RRM2: variants seen among roughly 807,000 people sequenced by gnomAD.
RRM2 encodes ribonucleoside-diphosphate reductase subunit M2.
RRM2 carries 6 observed loss-of-function variants against 45.9 expected under a neutral mutation model. The observed-to-expected ratio is 0.13, with a 90% CI of 0.07 to 0.26. The LOEUF is 0.26. RRM2 is among the 10% of genes least tolerant of loss of function. RRM2 has a pLI of 1.00. For missense variants in RRM2, 343 were observed against 489.5 expected (o/e 0.70, Z 2.82); for synonymous variants, 177 against 173.0 (o/e 1.02, Z -0.18).
chr2:10,177,496 A>G (rs1302668388), intron 3 of RRM2, among the ~76,000 whole-genome samples: 1 of 152,170 alleles, frequency 6.6e-6, no homozygotes, highest in Non-Finnish European at 1.5e-5. Flanking sequence ...TATCATAATA[A>G]CTATATTGAT....
intron 3 of RRM2, among the ~76,000 whole-genome samples, chr2:10,146,729 G>A (rs1048319359): frequency 6.6e-6 from 1 of 152,200 alleles, no homozygotes; most frequent in African/African-American, 2.4e-5. Flanking sequence ...GGAAGGGTAG[G>A]GAGGAGGAGG....
intron 3 of RRM2, among the ~76,000 whole-genome samples, chr2:10,199,711 T>C (rs1427690419): frequency 7.5e-6 from 1 of 132,910 alleles, no homozygotes; most frequent in East Asian, 2.3e-4. Flanking sequence ...ACCCAGAAGG[T>C]GGAGCTTGCA....
chr2:10,202,398 G>A (rs1664583274), intron 3 of RRM2, among the ~76,000 whole-genome samples: 1 of 152,190 alleles, frequency 6.6e-6, no homozygotes, highest in Non-Finnish European at 1.5e-5. Flanking sequence ...CTTGAAGAAG[G>A]AAGAAAGAAA....
rs143923446 is a variant in RRM2, at chr2:10,177,217, G to A, written n.483-33094G>A. ...ACCAAGATCGCACCATTGCACTCCA[G>A]CCTGGGCGACAGAGCGAGATTTCGC... On this transcript the variant is annotated intron_variant and non_coding_transcript_variant, in intron 3 of 3. Coordinates refer to the RRM2 transcript ENST00000381786. Among the ~76,000 whole-genome samples the A allele has an allele frequency of 1.6e-3, 251 of 152,170 alleles. 3 individuals carry two copies. The highest frequency in any genetic ancestry group is 5.4e-3 in the African/African-American group (226 of 41,506).
intron 3 of RRM2, among the ~76,000 whole-genome samples, chr2:10,152,372 T>G (rs1469264477): frequency 6.6e-6 from 1 of 152,204 alleles, no homozygotes; most frequent in Non-Finnish European, 1.5e-5. Flanking sequence ...GCCCTTCTTT[T>G]TCATTTTATT....
chr2:10,191,960 A>G (rs1664315015), intron 3 of RRM2, among the ~76,000 whole-genome samples: 1 of 152,162 alleles, frequency 6.6e-6, no homozygotes, highest in African/African-American at 2.4e-5. Flanking sequence ...AGGAATCTGC[A>G]CACGACTCCT....
chr2:10,138,843 C>A (rs1362556504), upstream of RRM2, among the ~76,000 whole-genome samples: 2 of 152,074 alleles, frequency 1.3e-5, no homozygotes, highest in African/African-American at 4.8e-5. Context: ...CGTGGTGGCT[C>A]ACGCCTGTAA....
At chr2:10,132,502 C>T (rs1033730061), downstream of RRM2, among the ~76,000 whole-genome samples, 6 of 152,066 alleles carry the variant, frequency 3.9e-5, no homozygotes, top group Admixed American at 2.0e-4. Context: ...GATTTCTTCC[C>T]GTGCTGCTCT....
chr2:10,134,287 C>T (rs796103139), downstream of RRM2, among the ~76,000 whole-genome samples: 12 of 152,094 alleles, frequency 7.9e-5, no homozygotes, highest in African/African-American at 1.2e-4. Context: ...AGCAGCTCTC[C>T]GAGTGGTTGT....
chr2:10,162,288 C>T (rs1031250414), intron 3 of RRM2, among the ~76,000 whole-genome samples: 2 of 152,190 alleles, frequency 1.3e-5, no homozygotes, highest in African/African-American at 4.8e-5. Flanking sequence ...TGTCGATTCT[C>T]TCAGTCAATC....
rs1663313037 is a variant in RRM2 at position 10,151,558 on chromosome 2, A to C, written n.482+9183A>C. Among the ~76,000 whole-genome samples, 4 of 152,050 alleles carry C rather than the reference A, an allele frequency of 2.6e-5. No homozygotes were observed. The South Asian group carries it at 8.3e-4, about 32-fold the overall frequency. ...CGTGATCTGCTTGCCTTGGCCTCCGAAAGTGCTGGGATCACAGGCGTGAGC... is the reference window on the plus strand; with the variant it reads ...CGTGATCTGCTTGCCTTGGCCTCCGCAAGTGCTGGGATCACAGGCGTGAGC... On this transcript the variant is annotated intron_variant and non_coding_transcript_variant, in intron 3 of 3. Coordinates refer to the RRM2 transcript ENST00000381786.
downstream of RRM2, among the ~76,000 whole-genome samples, chr2:10,136,402 A>G (rs1662990516): frequency 6.6e-6 from 1 of 151,832 alleles, no homozygotes; most frequent in African/African-American, 2.4e-5. Flanking sequence ...CTTTGGCAAG[A>G]TGGAATCTGT....
intron 5 of RRM2, 157 bp downstream of exon 5, chr2:10,125,007 G>A: frequency 1.7e-6 from 1 of 590,824 alleles, no homozygotes. Context: ...TTAGCAAGGG[G>A]CCTAAATGCA....
rs1054128616 is a variant in RRM2 at position 10,178,059 on chromosome 2, C to G, written n.483-32252C>G. On this transcript the variant is annotated intron_variant and non_coding_transcript_variant, in intron 3 of 3. Transcript: ENST00000381786. ...GCCTCAGCCTCCTGAGCAGCTGGGA[C>G]TACAGGTGCCCACCAACACGCCCGG... Among the ~76,000 whole-genome samples, 47 of 151,804 alleles carry G rather than the reference C, an allele frequency of 3.1e-4. 1 individual carries two copies. Among genetic ancestry groups the G allele is most frequent in the African/African-American group, 1.1e-3 (45 of 41,408 alleles).
intron 3 of RRM2, among the ~76,000 whole-genome samples, chr2:10,163,011 A>G (rs1036921459): frequency 6.6e-6 from 1 of 152,192 alleles, no homozygotes; most frequent in Non-Finnish European, 1.5e-5. Context: ...TCCTGCACGC[A>G]GGGCCCCGGG....
At chr2:10,128,107 G>A (rs146049035) in intron 7 of RRM2, among the ~76,000 whole-genome samples, 2,205 of 152,228 alleles carry the variant, frequency 0.014, 51 homozygotes, top group African/African-American at 0.05. Context: ...GGAGGTTGCA[G>A]TGAGTCAAGA....
chr2:10,136,203 T>G (rs574077459), downstream of RRM2, among the ~76,000 whole-genome samples: 50 of 152,316 alleles, frequency 3.3e-4, no homozygotes, highest in South Asian at 5.4e-3. Flanking sequence ...GTTTGGATTA[T>G]GCAACGTGGC....
At chr2:10,197,099 T>A (rs1664432029) in intron 3 of RRM2, among the ~76,000 whole-genome samples, 1 of 152,154 alleles carries the variant, frequency 6.6e-6, no homozygotes, top group South Asian at 2.1e-4. Flanking sequence ...CCATGGCGTC[T>A]CTCCAGGCCC....
At position 10,122,773 on chromosome 2, in the gene RRM2, T is replaced by C; in HGVS notation, c.-26T>C. On this transcript the variant is annotated 5_prime_UTR_variant, in exon 1 of 10. Coordinates refer to ENST00000304567, the MANE Select transcript of RRM2 (RefSeq NM_001034.4). Reference sequence around the variant, plus strand: ...GTCCCAGCCGTCCTGTCCTGGCTGCTCGCTCTGCTTCGCTGCGCCTCCACT... The same window carrying C: ...GTCCCAGCCGTCCTGTCCTGGCTGCCCGCTCTGCTTCGCTGCGCCTCCACT... 1 of 1,566,982 alleles carries C rather than the reference T, an allele frequency of 6.4e-7. No homozygotes were observed. Among genetic ancestry groups the C allele is most frequent in the East Asian group, 2.3e-5 (1 of 42,668 alleles).
Sources: gnomAD v4.1 joint callset for allele counts (sites outside exome capture counted in the v4.1 genomes callset) on GRCh38, gnomAD v4.1.1 for gene constraint, MANE v1.5 for transcripts, NCBI Gene and HGNC (gene_info 2026-07-23, HGNC 2026-07-21) for gene names.